The following CCSER1 variants were observed in gnomAD, a reference collection of about 807,000 sequenced individuals.
The protein encoded by CCSER1 is coiled-coil serine rich protein 1.
A neutral mutation model predicts 82.0 loss-of-function variants in CCSER1; 41 were observed. The observed-to-expected ratio is 0.50, with a 90% confidence interval of 0.39 to 0.65. The LOEUF (loss-of-function observed/expected upper bound fraction) is 0.65. Among genes scored for constraint, CCSER1 ranks in the 30% least tolerant of loss-of-function variants. CCSER1 has a pLI of 0.00. For missense variants in CCSER1, 1,119 were observed against 1,064.2 expected, an observed-to-expected ratio of 1.05 and a Z score of -0.72; for synonymous variants, 414 against 383.9, an observed-to-expected ratio of 1.08 and a Z score of -0.92.
intron 1 of CCSER1, among the ~76,000 whole-genome samples, chr4:90,293,346 T>G (rs1731273139): frequency 6.6e-6 from 1 of 151,640 alleles, no homozygotes; most frequent in Admixed American, 6.6e-5. Context: ...TGTTTCAAGC[T>G]TTCAAGTTGA....
intron 5 of CCSER1, among the ~76,000 whole-genome samples, chr4:90,565,484 C>A (rs1413764875): frequency 6.6e-6 from 1 of 152,030 alleles, no homozygotes; most frequent in Non-Finnish European, 1.5e-5. Context: ...TTCTTTCTTT[C>A]CAATTTAGAT....
intron 10 of CCSER1, among the ~76,000 whole-genome samples, chr4:91,496,948 T>C (rs1471603359): frequency 6.7e-6 from 1 of 148,330 alleles, no homozygotes; most frequent in East Asian, 2.0e-4. Flanking sequence ...GGGAATGAAA[T>C]TATAAAACAG....
intron 3 of CCSER1, among the ~76,000 whole-genome samples, chr4:90,390,242 T>A (rs1750764369): frequency 6.6e-6 from 1 of 152,228 alleles, no homozygotes; most frequent in South Asian, 2.1e-4. Flanking sequence ...TCTTTTTGTG[T>A]GTTGGGCAGT....
chr4:91,576,636 T>A (rs1461372709), intron 10 of CCSER1, among the ~76,000 whole-genome samples: 1 of 152,040 alleles, frequency 6.6e-6, no homozygotes, highest in African/African-American at 2.4e-5. Context: ...CATAATGATA[T>A]ATTTTATGGA....
rs372023219 is a variant in CCSER1, at chr4:91,590,160, C to T, written c.2218-8412C>T. ...CTTATCTCATGCATGTCTTCTAACC[C>T]TGTTTGTGTCCTAAATGCCCACCAG... On this transcript the variant is annotated intron_variant, in intron 10 of 10. Coordinates refer to ENST00000509176, the MANE Select transcript of CCSER1 (RefSeq NM_001145065.2). 1.9e-4 allele frequency among the ~76,000 whole-genome samples: 29 copies of T among 152,124 alleles called. 1 individual carries two copies. The highest frequency in any genetic ancestry group is 6.8e-3 in the Middle Eastern group (2 of 294).
chr4:91,259,719 G>T (rs969915698), intron 10 of CCSER1, among the ~76,000 whole-genome samples: 1 of 150,848 alleles, frequency 6.6e-6, no homozygotes, highest in Non-Finnish European at 1.5e-5. Context: ...GTGTTAGTTT[G>T]CTGAGAATGA....
intron 3 of CCSER1, among the ~76,000 whole-genome samples, chr4:90,389,556 ATAT>A (rs1750632540): frequency 6.6e-6 from 1 of 152,164 alleles, no homozygotes; most frequent in South Asian, 2.1e-4. Flanking sequence ...TCATAATGGG[ATAT>A]TATTAGGTAA....
chr4:90,340,324 C>T (rs17016808), intron 3 of CCSER1, among the ~76,000 whole-genome samples: 4,478 of 152,168 alleles, frequency 0.029, 182 homozygotes, highest in East Asian at 0.19. Flanking sequence ...TACATTTACC[C>T]TCAAAAACTA....
intron 9 of CCSER1, among the ~76,000 whole-genome samples, chr4:90,961,166 A>G (rs1429800289): frequency 6.6e-6 from 1 of 152,116 alleles, no homozygotes; most frequent in African/African-American, 2.4e-5. Flanking sequence ...CCCAGGTTAA[A>G]ATTGCTTACC....
intron 9 of CCSER1, among the ~76,000 whole-genome samples, chr4:91,077,077 G>T (rs1722075172): frequency 6.6e-6 from 1 of 152,168 alleles, no homozygotes; most frequent in African/African-American, 2.4e-5. Flanking sequence ...TGTGAGAAAA[G>T]AATAATTAGA....
intron 8 of CCSER1, among the ~76,000 whole-genome samples, chr4:90,916,041 C>T (rs1037179326): frequency 1.7e-4 from 26 of 152,122 alleles, no homozygotes; most frequent in Admixed American, 4.6e-4. Flanking sequence ...AAGAACATTC[C>T]ATGCTCATGG....
chr4:91,410,538 T>C (rs1752961215), intron 10 of CCSER1, among the ~76,000 whole-genome samples: 1 of 152,210 alleles, frequency 6.6e-6, no homozygotes, highest in Admixed American at 6.6e-5. Flanking sequence ...CTGAAGAACC[T>C]ATTTTTACAA....
intron 1 of CCSER1, among the ~76,000 whole-genome samples, chr4:90,132,233 G>T (rs1484689353): frequency 6.6e-6 from 1 of 152,136 alleles, no homozygotes; most frequent in Non-Finnish European, 1.5e-5. Flanking sequence ...TTTGAATTTG[G>T]TTTTGGACTA....
rs547808070 is a variant in CCSER1 at position 90,511,776 on chromosome 4, T to C, written c.1724+43422T>C. On this transcript the variant is annotated intron_variant, in intron 5 of 10. Coordinates refer to ENST00000509176, the MANE Select transcript of CCSER1 (RefSeq NM_001145065.2). ...GATGGTATGGGAGGCAGAAAGAAAA[T>C]AATTGATGAGAGAGGAATTTCTCAA... Among the ~76,000 whole-genome samples, 5 of 152,080 alleles carry C rather than the reference T, an allele frequency of 3.3e-5. No homozygotes were observed. In the South Asian group the frequency reaches 1.0e-3, roughly 32 times the overall value.
At chr4:91,295,140 A>C (rs970211188) in intron 10 of CCSER1, among the ~76,000 whole-genome samples, 5 of 151,968 alleles carry the variant, frequency 3.3e-5, no homozygotes, top group African/African-American at 1.2e-4. Flanking sequence ...ATCTCAATAT[A>C]ATGACAGTGA....
intron 3 of CCSER1, among the ~76,000 whole-genome samples, chr4:90,325,073 A>T (rs948512145): frequency 5.3e-5 from 8 of 152,024 alleles, no homozygotes; most frequent in Admixed American, 5.2e-4. Flanking sequence ...TCTCCTTCAC[A>T]TGTTATTAAA....
rs552428972 is a variant in CCSER1, at chr4:90,548,276, G to A, written c.1725-79749G>A. On this transcript the variant is annotated intron_variant, in intron 5 of 10. Transcript: ENST00000509176. The stretch of plus-strand genomic sequence containing the variant: ...ATTAGCAGTCACTTGCTCCACTCCA[G>A]GTTCAGGCTTCAACAGTACATCCCA... Among the ~76,000 whole-genome samples the A allele has an allele frequency of 2.0e-5, 3 of 152,266 alleles. No homozygotes were observed. In the East Asian group the frequency reaches 5.8e-4, roughly 29 times the overall value.
chr4:90,612,776 T>G (rs1785702612), intron 5 of CCSER1, among the ~76,000 whole-genome samples: 1 of 152,142 alleles, frequency 6.6e-6, no homozygotes, highest in African/African-American at 2.4e-5. Context: ...GTGGAGTTAT[T>G]CCTTTTGGAT....
At chr4:90,853,959 T>C (rs866582331) in intron 8 of CCSER1, among the ~76,000 whole-genome samples, 1 of 152,160 alleles carries the variant, frequency 6.6e-6, no homozygotes, top group African/African-American at 2.4e-5. Flanking sequence ...TCATCTATGA[T>C]ATATATTTTA....
Sources: allele counts gnomAD v4.1 joint callset (sites outside exome capture counted in the v4.1 genomes callset), GRCh38; gene constraint gnomAD v4.1.1; transcripts MANE v1.5; gene names NCBI Gene and HGNC (gene_info 2026-07-23, HGNC 2026-07-21).